Variants in CBFA2T2 observed in about 807,000 individuals in gnomAD.
CBFA2T2 encodes protein CBFA2T2.
CBFA2T2 carries 11 observed loss-of-function variants against 62.2 expected under a neutral mutation model. The ratio of observed to expected loss-of-function variants is 0.18; its 90% CI spans 0.11 to 0.29. CBFA2T2 has a LOEUF of 0.29. Ranked by LOEUF, CBFA2T2 falls within the 10% of genes least tolerant of loss-of-function variation. CBFA2T2 has a pLI of 1.00. For synonymous variants in CBFA2T2, 295 were observed against 287.5 expected, an observed-to-expected ratio of 1.03 and a Z score of -0.27; for missense variants, 592 against 774.1, an observed-to-expected ratio of 0.76 and a Z score of 2.79.
intron 1 of CBFA2T2, among the ~76,000 whole-genome samples, chr20:33,584,454 A>G (rs1212263714): frequency 6.7e-6 from 1 of 148,978 alleles, no homozygotes. Flanking sequence ...ACGGGGTTTC[A>G]CCATGTGTTT....
In CBFA2T2 at chr20:33,549,889, TC is replaced by T. The variant is rs2012689331; in HGVS notation, c.35-57066del. 3.5e-5 allele frequency among the ~76,000 whole-genome samples: 5 copies of T among 144,356 alleles called. No individual in the cohort carries two copies. The Admixed American group carries it at 3.5e-4, about 10-fold the overall frequency. 94.7% of individuals were successfully genotyped at this position (144,356 alleles called of 152,430 possible). On this transcript the variant is annotated intron_variant, in intron 1 of 10. Coordinates refer to ENST00000342704, the MANE Select transcript of CBFA2T2 (RefSeq NM_001032999.3). The stretch of plus-strand genomic sequence containing the variant: ...TTTTTTTTTTTTTTTTTTCTCTAAA[TC>T]AGGTGTCCTGAGAGATTGGGACCAA...
chr20:33,612,098 T>C (rs1568852073), intron 3 of CBFA2T2, among the ~76,000 whole-genome samples: 7 of 152,236 alleles, frequency 4.6e-5, no homozygotes. Context: ...AAATAAACAG[T>C]ATCAAAGGGA....
chr20:33,601,695 A>T (rs1214324598), intron 1 of CBFA2T2: 1 of 152,244 alleles, frequency 6.6e-6, no homozygotes, highest in Non-Finnish European at 1.5e-5. Context: ...TAATATAGAA[A>T]GATCTATATT....
intron 1 of CBFA2T2, among the ~76,000 whole-genome samples, chr20:33,550,820 C>T (rs1389406035): frequency 6.6e-6 from 1 of 152,072 alleles, no homozygotes; most frequent in Non-Finnish European, 1.5e-5. Context: ...CGGGGTTTCA[C>T]CACCTTGCCC....
At chr20:33,507,870 G>A (rs2011431198) in intron 1 of CBFA2T2, among the ~76,000 whole-genome samples, 1 of 152,108 alleles carries the variant, frequency 6.6e-6, no homozygotes, top group Non-Finnish European at 1.5e-5. Context: ...AATTTTGATA[G>A]ATGTTGCCAG....
intron 1 of CBFA2T2, among the ~76,000 whole-genome samples, chr20:33,603,783 G>A (rs1413570865): frequency 6.6e-6 from 1 of 152,142 alleles, no homozygotes; most frequent in African/African-American, 2.4e-5. Context: ...TCTTTAATGG[G>A]ATCCAGCTAG....
chr20:33,500,966 A>G (rs547366891), intron 1 of CBFA2T2, among the ~76,000 whole-genome samples: 2 of 152,350 alleles, frequency 1.3e-5, no homozygotes, highest in African/African-American at 4.8e-5. Context: ...GCATGGCTCT[A>G]TGAGGAGCTG....
chr20:33,525,535 C>T (rs1382458860), intron 1 of CBFA2T2, among the ~76,000 whole-genome samples: 1 of 151,926 alleles, frequency 6.6e-6, no homozygotes, highest in Admixed American at 6.6e-5. Context: ...AGTATGTTGA[C>T]AAGGTTTTAT....
intron 1 of CBFA2T2, among the ~76,000 whole-genome samples, chr20:33,557,948 G>A (rs557790117): frequency 1.3e-5 from 2 of 151,674 alleles, no homozygotes; most frequent in South Asian, 4.2e-4. Context: ...TGATTCTTCT[G>A]CCTAAGCCTC....
chr20:33,492,131 C>T (rs1260113815), intron 1 of CBFA2T2, among the ~76,000 whole-genome samples: 1 of 152,102 alleles, frequency 6.6e-6, no homozygotes, highest in African/African-American at 2.4e-5. Context: ...ATCCATCTGC[C>T]TCAGCCTCTC....
intron 1 of CBFA2T2, among the ~76,000 whole-genome samples, chr20:33,591,950 A>G (rs1356650945): frequency 3.3e-5 from 5 of 152,078 alleles, no homozygotes; most frequent in African/African-American, 1.2e-4. Context: ...ATATATTTAA[A>G]TCTTCCCCAA....
chr20:33,556,457 C>T (rs976991319), intron 1 of CBFA2T2, among the ~76,000 whole-genome samples: 3 of 152,152 alleles, frequency 2.0e-5, no homozygotes, highest in Non-Finnish European at 4.4e-5. Context: ...TGCCAGGTTA[C>T]TCCACTGCAA....
intron 1 of CBFA2T2, among the ~76,000 whole-genome samples, chr20:33,564,043 C>T (rs1473635670): frequency 6.6e-6 from 1 of 152,162 alleles, no homozygotes; most frequent in African/African-American, 2.4e-5. Flanking sequence ...ACTCCGCGAC[C>T]TCCCGCTGGA....
At chr20:33,635,830 C>G (rs1001258892) in intron 8 of CBFA2T2, among the ~76,000 whole-genome samples, 3 of 152,092 alleles carry the variant, frequency 2.0e-5, no homozygotes, top group African/African-American at 7.2e-5. Flanking sequence ...AGCCAGTGAT[C>G]AGCTGTGTAT....
chr20:33,551,801 GGATTACAGGTGTGAGTCACTTCTCCT>G (rs1256863284), intron 1 of CBFA2T2, among the ~76,000 whole-genome samples: 1 of 152,146 alleles, frequency 6.6e-6, no homozygotes, highest in African/African-American at 2.4e-5. Flanking sequence ...CAAAGTGCTG[GGATTACAGGTGTGAGTCACTTCTCCT>G]GGCCTGTTCC....
Position 33,564,871 on chromosome 20 carries a change from C to T in CBFA2T2, c.35-42085C>T, listed in dbSNP as rs535272768. Among the ~76,000 whole-genome samples, 5 of 152,294 alleles carry T rather than the reference C, an allele frequency of 3.3e-5. No homozygotes were observed. In the South Asian group the frequency reaches 6.2e-4, roughly 19 times the overall value. On this transcript the variant is annotated intron_variant, in intron 1 of 10. Coordinates refer to ENST00000342704, the MANE Select transcript of CBFA2T2 (RefSeq NM_001032999.3). The stretch of plus-strand genomic sequence containing the variant: ...GTGGGATTGCAGGCATGAGCCACCA[C>T]GCTGACTTGAAGGAGACTTTTAAAA...
chr20:33,616,999 C>A (rs1258709951), intron 3 of CBFA2T2, among the ~76,000 whole-genome samples: 2 of 152,178 alleles, frequency 1.3e-5, no homozygotes, highest in Admixed American at 6.6e-5. Flanking sequence ...AAGGCCCAGG[C>A]CGACTTGAGG....
At chr20:33,571,851 T>C (rs2013583679) in intron 1 of CBFA2T2, among the ~76,000 whole-genome samples, 1 of 152,176 alleles carries the variant, frequency 6.6e-6, no homozygotes, top group Admixed American at 6.5e-5. Context: ...CATTAGCACT[T>C]GGGAGTGGTG....
intron 1 of CBFA2T2, among the ~76,000 whole-genome samples, chr20:33,585,091 T>C (rs1453092749): frequency 2.0e-5 from 3 of 152,136 alleles, no homozygotes; most frequent in Non-Finnish European, 4.4e-5. Context: ...TGTTGTTCCC[T>C]CAACCCAAAC....
Sources: gnomAD v4.1 joint callset for allele counts (sites outside exome capture counted in the v4.1 genomes callset) on GRCh38, gnomAD v4.1.1 for gene constraint, MANE v1.5 for transcripts, NCBI Gene and HGNC (gene_info 2026-07-23, HGNC 2026-07-21) for gene names.